Variants in SLAIN2 observed in about 807,000 individuals in gnomAD.
The protein encoded by SLAIN2 is SLAIN family member 2.
In SLAIN2, 31 loss-of-function variants were observed where a neutral mutation model predicts 56.6. That is an observed-to-expected ratio of 0.55 (90% CI 0.41 to 0.74). The LOEUF (loss-of-function observed/expected upper bound fraction) is 0.74, where lower values mean the gene tolerates loss of function less well. SLAIN2 is among the 30% of genes least tolerant of loss of function. SLAIN2 has a pLI of 0.00. For synonymous variants in SLAIN2, 317 were observed against 284.9 expected (o/e 1.11, Z -1.13); for missense variants, 777 against 754.2 (o/e 1.03, Z -0.35).
intron 6 of SLAIN2, among the ~76,000 whole-genome samples, chr4:48,403,604 C>T (rs1716614779): frequency 6.6e-6 from 1 of 152,192 alleles, no homozygotes; most frequent in South Asian, 2.1e-4. Flanking sequence ...CCCTTCCTCC[C>T]AGGAGTTCGG....
intron 1 of SLAIN2, among the ~76,000 whole-genome samples, chr4:48,363,800 A>G (rs1577714755): frequency 8.8e-6 from 1 of 113,396 alleles, no homozygotes; most frequent in Non-Finnish European, 1.8e-5. Flanking sequence ...GGGGGGGCTG[A>G]CCCCCGCATC....
Position 48,397,665 on chromosome 4 carries a change from G to A in SLAIN2, c.1360+13881G>A, listed in dbSNP as rs1034361858. 3.9e-5 allele frequency among the ~76,000 whole-genome samples: 6 copies of A among 151,934 alleles called. No homozygotes were observed. The South Asian group carries it at 6.2e-4, about 16-fold the overall frequency. On this transcript the variant is annotated intron_variant, in intron 6 of 7. Transcript: ENST00000264313. ...TCTTCCTGATGCTGTCCCTTCCCCC[G>A]CCGCCCCTGACAGCCGCCAGTGTGT...
Position 48,382,691 on chromosome 4 carries a change from A to G in SLAIN2, c.986A>G (p.Asp329Gly). Reference sequence around the variant, plus strand: ...GCACAAAGTTTAGATGATGAAGATGACAATATGCATCATGCAGTATACCCT... The same window carrying G: ...GCACAAAGTTTAGATGATGAAGATGGCAATATGCATCATGCAGTATACCCT... The part of the protein sequence containing the change: ...LDAQSLDDED[D>G]NMHHAVYPAV... The change falls in exon 5 of 8, where the codon GAC becomes GGC. Residue 329 changes from aspartate to glycine, a missense_variant. Physicochemically the swap from Asp to Gly is moderately conservative, Grantham distance 94. Coordinates refer to ENST00000264313, the MANE Select transcript of SLAIN2 (RefSeq NM_020846.2). 6.2e-7 allele frequency: 1 copy of G among 1,613,904 alleles called. No individual in the cohort carries two copies. Among genetic ancestry groups the G allele is most frequent in the African/African-American group, 1.3e-5 (1 of 75,012 alleles).
At chr4:48,397,638 A>G (rs186531141) in intron 6 of SLAIN2, among the ~76,000 whole-genome samples, 3 of 152,110 alleles carry the variant, frequency 2.0e-5, no homozygotes, top group Non-Finnish European at 2.9e-5. Flanking sequence ...TTCATTAGCT[A>G]TTCTTCCTGA....
At chr4:48,405,527 T>G (rs28659782) in intron 6 of SLAIN2, among the ~76,000 whole-genome samples, 1 of 151,982 alleles carries the variant, frequency 6.6e-6, no homozygotes, top group Non-Finnish European at 1.5e-5. Context: ...TGGCTTTGTT[T>G]AGCAAGTTCC....
At position 48,424,755 on chromosome 4, in the gene SLAIN2, C is replaced by A. The variant is rs1434501978; in HGVS notation, c.*2678C>A. The A allele has an allele frequency of 6.6e-6, 1 of 151,132 alleles. No individual in the cohort carries two copies. Among genetic ancestry groups the A allele is most frequent in the African/African-American group, 2.4e-5 (1 of 41,126 alleles). The allele number at this position is 151,132 out of a possible 1,614,324, so 9.4% of individuals were successfully genotyped here. On this transcript the variant is annotated 3_prime_UTR_variant, in exon 8 of 8. Transcript: ENST00000264313. Reference sequence around the variant, plus strand: ...GATACTTTTTAAAATTATCTCAATACATCACTTTTATAAAAAAAAAAAGTT... The same window carrying A: ...GATACTTTTTAAAATTATCTCAATAAATCACTTTTATAAAAAAAAAAAGTT...
chr4:48,400,951 C>G (rs1252869361), intron 6 of SLAIN2, among the ~76,000 whole-genome samples: 2 of 152,112 alleles, frequency 1.3e-5, no homozygotes, highest in Non-Finnish European at 2.9e-5. Context: ...TCCCTCTTAA[C>G]ATTGCCTTAG....
At chr4:48,381,354 C>CTT (rs201389533) in intron 4 of SLAIN2, among the ~76,000 whole-genome samples, 1 of 151,102 alleles carries the variant, frequency 6.6e-6, no homozygotes, top group Non-Finnish European at 1.5e-5. Flanking sequence ...AAAACTACAG[C>CTT]TTTTTTTTTG....
At chr4:48,354,656 G>C (rs957538789) in intron 1 of SLAIN2, among the ~76,000 whole-genome samples, 5 of 151,938 alleles carry the variant, frequency 3.3e-5, no homozygotes, top group African/African-American at 7.3e-5. Context: ...TAGTAGCGAT[G>C]GGTTTTCACC....
At chr4:48,404,896 T>G (rs1314612613) in intron 6 of SLAIN2, among the ~76,000 whole-genome samples, 1 of 152,172 alleles carries the variant, frequency 6.6e-6, no homozygotes, top group Admixed American at 6.5e-5. Context: ...CGTGAAACAT[T>G]TTTTCCAATA....
chr4:48,420,403 A>G lies in SLAIN2; in HGVS notation c.1639A>G (p.Ile547Val). 1 of 1,614,020 alleles carries G rather than the reference A, an allele frequency of 6.2e-7. No individual in the cohort carries two copies. Among genetic ancestry groups the G allele is most frequent in the Non-Finnish European group, 8.5e-7 (1 of 1,179,866 alleles). The change falls in exon 7 of 8, where the codon ATA (isoleucine) becomes GTA (valine). Residue 547 changes from isoleucine to valine, a missense_variant. Physicochemically the swap from Ile to Val is conservative, Grantham distance 29. Coordinates refer to ENST00000264313, the MANE Select transcript of SLAIN2 (RefSeq NM_020846.2). ...PRPSAPSAGG[I>V]PVPRSKLAQP... ...ACCCAGTGCCCCTTCTGCTGGGGGC[A>G]TACCAGTGCCTCGCAGCAAACTTGC...
At chr4:48,411,700 A>T (rs947501449) in intron 6 of SLAIN2, among the ~76,000 whole-genome samples, 5 of 151,944 alleles carry the variant, frequency 3.3e-5, no homozygotes, top group Admixed American at 2.0e-4. Flanking sequence ...CTTAGACCTT[A>T]CAGTAGACCT....
intron 1 of SLAIN2, among the ~76,000 whole-genome samples, chr4:48,366,206 A>T (rs532883028): frequency 2.6e-5 from 4 of 152,250 alleles, no homozygotes; most frequent in Admixed American, 1.3e-4. Context: ...TTAAAAATTC[A>T]GTAAGACTTG....
intron 2 of SLAIN2, among the ~76,000 whole-genome samples, chr4:48,373,160 A>G (rs1715715771): frequency 1.3e-5 from 2 of 152,188 alleles, no homozygotes; most frequent in African/African-American, 2.4e-5. Context: ...ATAATACAAA[A>G]TTATCCATTT....
chr4:48,382,935 A>G lies in SLAIN2; in HGVS notation c.1222+8A>G, dbSNP rs1297286756. On this transcript the variant is annotated splice_region_variant and intron_variant, in intron 5 of 7. Transcript: ENST00000264313. ...GCAATGTTAAAAATGAAGGTAAAAT[A>G]GCAGATTTTACTAATAATTAGACAG... 1 of 1,584,500 alleles carries G rather than the reference A, an allele frequency of 6.3e-7. No homozygotes were observed. The highest frequency in any genetic ancestry group is 2.3e-5 in the East Asian group (1 of 43,808).
chr4:48,357,552 T>C (rs2109740961), intron 1 of SLAIN2, among the ~76,000 whole-genome samples: 1 of 151,652 alleles, frequency 6.6e-6, no homozygotes, highest in Admixed American at 6.5e-5. Context: ...CAGGTGACTT[T>C]TATTTTTTTC....
chr4:48,349,077 A>C (rs1714943669), intron 1 of SLAIN2, among the ~76,000 whole-genome samples: 1 of 152,186 alleles, frequency 6.6e-6, no homozygotes, highest in South Asian at 2.1e-4. Context: ...CTTCAGGCAC[A>C]ATGCAGATTT....
At chr4:48,383,029 A>G in intron 5 of SLAIN2, 102 bp downstream of exon 5, 1 of 1,226,490 alleles carries the variant, frequency 8.2e-7, no homozygotes, top group Non-Finnish European at 1.1e-6. Flanking sequence ...TTAGCTGGGC[A>G]TGGTGGTGCA....
intron 6 of SLAIN2, among the ~76,000 whole-genome samples, chr4:48,402,312 A>G (rs1233763068): frequency 2.0e-5 from 3 of 149,472 alleles, no homozygotes; most frequent in Non-Finnish European, 4.4e-5. Context: ...CCTGAATTTG[A>G]TTATTGACCT....
Sources: allele counts gnomAD v4.1 joint callset (sites outside exome capture counted in the v4.1 genomes callset), GRCh38; gene constraint gnomAD v4.1.1; transcripts MANE v1.5; gene names NCBI Gene and HGNC (gene_info 2026-07-23, HGNC 2026-07-21).